Variants in DOK7 observed in about 807,000 individuals in gnomAD.
DOK7 encodes protein Dok-7.
In DOK7, 32 loss-of-function variants were observed where a neutral mutation model predicts 30.7. That is an observed-to-expected ratio of 1.04 (90% CI 0.79 to 1.40). The LOEUF (loss-of-function observed/expected upper bound fraction) is 1.40, where lower values mean the gene tolerates loss of function less well. Ranked by LOEUF, DOK7 falls within the 40% of genes most tolerant of loss-of-function variation. The pLI is 0.00. For synonymous variants in DOK7, 447 were observed against 324.1 expected (o/e 1.38, Z -4.07); for missense variants, 1,007 against 699.2 (o/e 1.44, Z -4.97).
intron 6 of DOK7, among the ~76,000 whole-genome samples, chr4:3,491,406 G>GCTCATTCATGC (rs58001515): frequency 6.7e-5 from 3 of 44,746 alleles, no homozygotes; most frequent in Non-Finnish European, 1.4e-4. Context: ...GCTCACCCCA[G>GCTCATTCATGC]CTTCCTTCTT....
At chr4:3,470,067 A>G (rs1045655166) in intron 2 of DOK7, among the ~76,000 whole-genome samples, 3 of 152,328 alleles carry the variant, frequency 2.0e-5, no homozygotes, top group South Asian at 2.1e-4. Flanking sequence ...AGAGCTCTGC[A>G]GTCGAGGGGC....
downstream of DOK7, among the ~76,000 whole-genome samples, chr4:3,495,003 T>G (rs1728827450): frequency 6.6e-6 from 1 of 152,142 alleles, no homozygotes; most frequent in African/African-American, 2.4e-5. Context: ...AGCGGGGAGT[T>G]CTGGAGGGCT....
At chr4:3,480,760 C>T (rs967995113) in intron 4 of DOK7, among the ~76,000 whole-genome samples, 7 of 152,254 alleles carry the variant, frequency 4.6e-5, no homozygotes, top group Non-Finnish European at 7.3e-5. Context: ...GAACCCTGGC[C>T]TCTGTCAGGC....
intron 2 of DOK7, among the ~76,000 whole-genome samples, chr4:3,468,341 C>T (rs1431908950): frequency 6.6e-6 from 1 of 151,200 alleles, no homozygotes. Context: ...TGTGTGTGAG[C>T]TCAAATGCTT....
exon 8 of DOK7, chr4:3,500,709 T>C (rs1332022384): frequency 2.0e-6 from 3 of 1,535,726 alleles, no homozygotes; most frequent in East Asian, 2.4e-5. Flanking sequence ...CGCCTCCCTC[T>C]ACGCCCAGAT....
chr4:3,479,167 C>T (rs894579136), intron 4 of DOK7, among the ~76,000 whole-genome samples: 1 of 152,226 alleles, frequency 6.6e-6, no homozygotes, highest in Non-Finnish European at 1.5e-5. Flanking sequence ...CTGCCCCTTC[C>T]AGCCGCTGGT....
intron 7 of DOK7, chr4:3,500,515 CAGCCTCCCCCCAGG>C: frequency 6.8e-7 from 1 of 1,475,690 alleles, no homozygotes; most frequent in South Asian, 1.3e-5. Flanking sequence ...GCTTTTCCTA[CAGCCTCCCCCCAGG>C]AGGCAAATGT....
intron 3 of DOK7, 113 bp downstream of exon 3, chr4:3,473,749 T>C: frequency 9.3e-7 from 1 of 1,069,766 alleles, no homozygotes. Context: ...TGCAGGAAGA[T>C]GGGACATTCA....
chr4:3,497,368 T>C (rs1335793761), downstream of DOK7, among the ~76,000 whole-genome samples: 5 of 151,772 alleles, frequency 3.3e-5, no homozygotes. Flanking sequence ...GGCAGGGCAT[T>C]GGTGCCCTGG....
intron 6 of DOK7, among the ~76,000 whole-genome samples, chr4:3,491,494 C>T (rs1386834125): frequency 3.0e-5 from 4 of 135,592 alleles, no homozygotes; most frequent in African/African-American, 8.0e-5. Flanking sequence ...CTTTCCTTGT[C>T]CCTCCGCTTA....
At chr4:3,466,628 C>A (rs930525711) in intron 2 of DOK7, among the ~76,000 whole-genome samples, 1 of 152,224 alleles carries the variant, frequency 6.6e-6, no homozygotes, top group African/African-American at 2.4e-5. Flanking sequence ...CTTCCCTCAG[C>A]CCCCGCGTCA....
intron 6 of DOK7, among the ~76,000 whole-genome samples, chr4:3,492,152 T>C (rs1337508149): frequency 1.3e-5 from 2 of 152,138 alleles, no homozygotes; most frequent in East Asian, 1.9e-4. Flanking sequence ...GGGAGGGGCC[T>C]GGCCTGGCAG....
chr4:3,495,583 C>T (rs928155832), downstream of DOK7, among the ~76,000 whole-genome samples: 5 of 152,240 alleles, frequency 3.3e-5, no homozygotes, highest in South Asian at 2.1e-4. Context: ...CCGCCTGCTA[C>T]GGCAGCCCAG....
intron 5 of DOK7, 99 bp downstream of exon 5, chr4:3,485,757 T>A (rs1269819209): frequency 7.4e-7 from 1 of 1,344,936 alleles, no homozygotes; most frequent in African/African-American, 1.5e-5. Context: ...CCCAGTTAGA[T>A]GGCCAGCCTC....
At chr4:3,490,801 G>GCC (rs151279121) in intron 6 of DOK7, among the ~76,000 whole-genome samples, 1,270 of 35,352 alleles carry the variant, frequency 0.036, 23 homozygotes, top group Middle Eastern at 0.079. Flanking sequence ...TCCTTCCTCT[G>GCC]CCCCCCCGCT....
At chr4:3,491,670 G>A (rs1700518218) in intron 6 of DOK7, among the ~76,000 whole-genome samples, 1 of 152,216 alleles carries the variant, frequency 6.6e-6, no homozygotes, top group Non-Finnish European at 1.5e-5. Flanking sequence ...CCAGCTTGTG[G>A]CTGGGGGAGA....
At position 3,467,187 on chromosome 4, in the gene DOK7, AC is replaced by A. The variant is rs397740016; in HGVS notation, c.100+3644del. Among the ~76,000 whole-genome samples the A allele has an allele frequency of 5.5e-3, 786 of 143,226 alleles. 8 individuals carry two copies. The highest frequency in any genetic ancestry group is 9.3e-3 in the Non-Finnish European group (610 of 65,294). The allele number at this position is 143,226 out of a possible 152,430, so 94.0% of individuals were successfully genotyped here. On this transcript the variant is annotated intron_variant, in intron 2 of 6. Coordinates refer to ENST00000340083, the MANE Select transcript of DOK7 (RefSeq NM_173660.5). ...CCCATCGTGTTCAGTGTGGGCGGGG[AC>A]CCCCCCCACTGCGTCCCCGGCCCAC...
At chr4:3,476,221 G>C (rs548157926) in intron 3 of DOK7, 121 bp from the exon 4 acceptor site, 22 of 333,760 alleles carry the variant, frequency 6.6e-5, no homozygotes, top group African/African-American at 1.4e-4. Flanking sequence ...ATGCCCTCTC[G>C]CCCCGCCTGC....
intron 2 of DOK7, among the ~76,000 whole-genome samples, chr4:3,464,144 G>T (rs757633661): frequency 6.6e-6 from 1 of 152,168 alleles, no homozygotes; most frequent in Non-Finnish European, 1.5e-5. Flanking sequence ...CGCCTGCAGC[G>T]CTGGGCCTGT....
Sources: gnomAD v4.1 joint callset for allele counts (sites outside exome capture counted in the v4.1 genomes callset) on GRCh38, gnomAD v4.1.1 for gene constraint, MANE v1.5 for transcripts, NCBI Gene and HGNC (gene_info 2026-07-23, HGNC 2026-07-21) for gene names.